IGSF10: variants seen among roughly 807,000 people sequenced by gnomAD.
IGSF10 encodes the protein calvaria mechanical force protein 608.
In IGSF10, 126 loss-of-function variants were observed where a neutral mutation model predicts 128.2. The observed-to-expected ratio is 0.98, with a 90% CI of 0.85 to 1.14. The LOEUF is 1.14. Ranked by LOEUF, IGSF10 falls within the 50% of genes most tolerant of loss-of-function variation. The probability of loss-of-function intolerance (pLI) is 0.00; values close to 1 mark genes in which losing one functional copy is unlikely to be tolerated. For synonymous variants in IGSF10, 1,185 were observed against 1,146.2 expected (o/e 1.03, Z -0.68); for missense variants, 3,295 against 3,149.8 (o/e 1.05, Z -1.10).
the IGSF10 span, among the ~76,000 whole-genome samples, chr3:151,490,386 T>C: frequency 1.7e-4 from 26 of 152,048 alleles, no homozygotes; most frequent in African/African-American, 5.1e-4. Flanking sequence ...TAAATATTAA[T>C]GGACATGAAG....
At chr3:151,517,175 CA>C in the IGSF10 span, among the ~76,000 whole-genome samples, 1,805 of 151,988 alleles carry the variant, frequency 0.012, 90 homozygotes, top group East Asian at 0.17. Flanking sequence ...AAAGTTATGC[CA>C]AATAATAGAA....
At chr3:151,451,421 CTA>C (rs1721504732) in intron 5 of IGSF10, among the ~76,000 whole-genome samples, 1 of 152,200 alleles carries the variant, frequency 6.6e-6, no homozygotes, top group Non-Finnish European at 1.5e-5. Flanking sequence ...TCCCATGAAA[CTA>C]TAAACTTCAT....
the IGSF10 span, among the ~76,000 whole-genome samples, chr3:151,605,702 T>C: frequency 1.3e-5 from 2 of 152,234 alleles, no homozygotes; most frequent in African/African-American, 2.4e-5. Flanking sequence ...AGGCCATTCT[T>C]CTAGCGAAGA....
chr3:151,445,310 TG>T lies in IGSF10; in HGVS notation c.4670del (p.Thr1557LysfsTer9). On this transcript the variant is annotated frameshift_variant, in exon 6 of 8. Transcript: ENST00000282466. LOFTEE classifies it high-confidence loss of function. ...TTAATTTAGAATTCTGTGATTTAAC[TG>T]TTGTTAGTGCTGGCATGGGAGTAGA... ...LHSTPMPALTTVKSQNSKLTP... is the reference protein window; with the variant it reads ...LHSTPMPALTXVKSQNSKLTP... The T allele has an allele frequency of 6.2e-7, 1 of 1,614,230 alleles. No individual in the cohort carries two copies. The highest frequency in any genetic ancestry group is 8.5e-7 in the Non-Finnish European group (1 of 1,180,036).
At chr3:151,525,933 C>T in the IGSF10 span, among the ~76,000 whole-genome samples, 1 of 152,158 alleles carries the variant, frequency 6.6e-6, no homozygotes, top group Admixed American at 6.6e-5. Context: ...ATAGTCAATT[C>T]TCACCCACAC....
rs748186005 is a variant in IGSF10, at chr3:151,453,760, G to T, written c.339C>A (p.Ser113Arg). Residue 113 changes from serine (S) to arginine (R), a missense_variant, in exon 5 of 8, where the codon AGC (serine) becomes AGA (arginine). Transcript: ENST00000282466. Reference sequence around the variant, plus strand: ...TCTGAAGTTTTCGGACTTTATTATAGCTCATTTTTAAGACCTATGAATTAA... The same window carrying T: ...TCTGAAGTTTTCGGACTTTATTATATCTCATTTTTAAGACCTATGAATTAA... ...DLQALQVLKMSYNKVRKLQKD... is the reference protein window; with the variant it reads ...DLQALQVLKMRYNKVRKLQKD... 1 of 1,541,412 alleles carries T rather than the reference G, an allele frequency of 6.5e-7. No individual in the cohort carries two copies. Among genetic ancestry groups the T allele is most frequent in the Non-Finnish European group, 8.8e-7 (1 of 1,138,762 alleles).
chr3:151,453,989 T>A (rs1721651487), intron 4 of IGSF10, among the ~76,000 whole-genome samples: 1 of 150,662 alleles, frequency 6.6e-6, no homozygotes, highest in Admixed American at 6.7e-5. Flanking sequence ...TATTAAGGAA[T>A]GAGATATATA....
At chr3:151,477,575 A>G in the IGSF10 span, among the ~76,000 whole-genome samples, 2 of 152,252 alleles carry the variant, frequency 1.3e-5, no homozygotes, top group Non-Finnish European at 2.9e-5. Context: ...AGCTATAGAC[A>G]TGTATTAGGA....
chr3:151,473,435 CAAT>C, the IGSF10 span, among the ~76,000 whole-genome samples: 1 of 152,074 alleles, frequency 6.6e-6, no homozygotes, highest in Non-Finnish European at 1.5e-5. Flanking sequence ...TGATCATTGC[CAAT>C]TATAAAAAAA....
the IGSF10 span, among the ~76,000 whole-genome samples, chr3:151,474,407 T>A: frequency 2.6e-5 from 4 of 152,232 alleles, no homozygotes; most frequent in South Asian, 4.1e-4. Context: ...AAGTGGTGGA[T>A]GATACGCTTG....
the IGSF10 span, among the ~76,000 whole-genome samples, chr3:151,552,287 C>A: frequency 6.6e-6 from 1 of 152,096 alleles, no homozygotes; most frequent in African/African-American, 2.4e-5. Context: ...CTCTTTTCTT[C>A]ATAAATTATC....
At chr3:151,553,129 C>T in the IGSF10 span, among the ~76,000 whole-genome samples, 1 of 152,086 alleles carries the variant, frequency 6.6e-6, no homozygotes, top group East Asian at 1.9e-4. Context: ...CTCATGTATA[C>T]ATCTATGATT....
At chr3:151,560,385 TC>T in the IGSF10 span, among the ~76,000 whole-genome samples, 1 of 152,028 alleles carries the variant, frequency 6.6e-6, no homozygotes, top group South Asian at 2.1e-4. Context: ...TCCTATTCCG[TC>T]TAACTCAGGG....
At position 151,458,390 on chromosome 3, in the gene IGSF10, C is replaced by A. The variant is rs970175513; in HGVS notation, c.194+126G>T. On this transcript the variant is annotated intron_variant, in intron 3 of 7. Coordinates refer to ENST00000282466, the MANE Select transcript of IGSF10 (RefSeq NM_178822.5). ...CCAACAAACAAAATTCTCATGAGCT[C>A]ATTTCAGAAAAGAAATATTGTTAAA... 28 of 697,578 alleles carry A rather than the reference C, an allele frequency of 4.0e-5. No individual in the cohort carries two copies. In the African/African-American group the frequency reaches 4.9e-4, roughly 12 times the overall value. 43.2% of individuals were successfully genotyped at this position (697,578 alleles called of 1,614,324 possible). A position where few individuals can be genotyped will look rare whatever the true frequency, so the allele number is the denominator to read the frequency against.
the IGSF10 span, among the ~76,000 whole-genome samples, chr3:151,545,914 A>G: frequency 2.1e-4 from 32 of 152,320 alleles, no homozygotes; most frequent in Admixed American, 2.1e-3. Flanking sequence ...GCAGGGGTTA[A>G]CAAATTACTG....
chr3:151,614,526 A>G, the IGSF10 span, among the ~76,000 whole-genome samples: 1 of 152,214 alleles, frequency 6.6e-6, no homozygotes, highest in Admixed American at 6.5e-5. Context: ...TTGTAGGGAC[A>G]TGGATGAAAC....
rs141250073 is a variant in IGSF10 at position 151,438,578 on chromosome 3, C to T, written c.5983G>A (p.Val1995Ile). 5.6e-4 allele frequency: 899 copies of T among 1,612,872 alleles called. 3 individuals carry two copies. The highest frequency in any genetic ancestry group is 3.4e-3 in the Admixed American group (203 of 59,962). Reference sequence around the variant, plus strand: ...ATAAACAGGGATCCATTAGGGTAGACGTGGATCCAGCTGCCCACTCTAAGG... The same window carrying T: ...ATAAACAGGGATCCATTAGGGTAGATGTGGATCCAGCTGCCCACTCTAAGG... ...QQHRVGSWIHVYPNGSLFIGS... is the reference protein window; with the variant it reads ...QQHRVGSWIHIYPNGSLFIGS... The change falls in exon 8 of 8, where the codon GTC (valine) becomes ATC (isoleucine). Residue 1995 changes from valine (V) to isoleucine (I), a missense_variant. Physicochemically the swap from Val to Ile is conservative, Grantham distance 29. Transcript: ENST00000282466.
At chr3:151,548,015 G>C in the IGSF10 span, among the ~76,000 whole-genome samples, 2 of 152,094 alleles carry the variant, frequency 1.3e-5, no homozygotes, top group African/African-American at 4.8e-5. Context: ...TCTACAATGT[G>C]ACCTTTCTAC....
chr3:151,575,980 T>C, the IGSF10 span, among the ~76,000 whole-genome samples: 1 of 152,168 alleles, frequency 6.6e-6, no homozygotes, highest in African/African-American at 2.4e-5. Context: ...TGCTAGAGAG[T>C]TTAATATAAT....
Sources: allele counts gnomAD v4.1 joint callset (sites outside exome capture counted in the v4.1 genomes callset), GRCh38; gene constraint gnomAD v4.1.1; transcripts MANE v1.5; gene names NCBI Gene and HGNC (gene_info 2026-07-23, HGNC 2026-07-21).